CCDC148: variants seen among roughly 807,000 people sequenced by gnomAD.
The protein encoded by CCDC148 is coiled-coil domain-containing protein 148.
In CCDC148, 89 loss-of-function variants were observed where a neutral mutation model predicts 85.7. That is an observed-to-expected ratio of 1.04 (90% CI 0.87 to 1.24). The LOEUF (loss-of-function observed/expected upper bound fraction) is 1.24. Among genes scored for constraint, CCDC148 ranks in the 50% most tolerant of loss-of-function variants. CCDC148 has a pLI of 0.00. For missense variants in CCDC148, 692 were observed against 671.7 expected (o/e 1.03, Z -0.33); for synonymous variants, 230 against 213.9 (o/e 1.08, Z -0.66).
At chr2:158,356,919 A>G (rs1369464499) in intron 2 of CCDC148, among the ~76,000 whole-genome samples, 153 of 140,198 alleles carry the variant, frequency 1.1e-3, no homozygotes, top group Middle Eastern at 3.2e-3. Context: ...TGATGAGTTC[A>G]TGTCCTTTGT....
chr2:158,394,890 G>A (rs1425455480), intron 1 of CCDC148, among the ~76,000 whole-genome samples: 3 of 151,948 alleles, frequency 2.0e-5, no homozygotes, highest in Non-Finnish European at 4.4e-5. Context: ...CTTCTAAAAT[G>A]AGTTATCTTA....
rs1203857794 is a variant in CCDC148 at position 158,387,288 on chromosome 2, T to TTATCTATATCTATATCTATATCTG, written c.26-28719_26-28718insCAGATATAGATATAGATATAGATA. Among the ~76,000 whole-genome samples the TTATCTATATCTATATCTATATCTG allele has an allele frequency of 4.7e-3, 707 of 150,578 alleles. 4 individuals are homozygous for TTATCTATATCTATATCTATATCTG. Among genetic ancestry groups the TTATCTATATCTATATCTATATCTG allele is most frequent in the African/African-American group, 0.016 (658 of 40,974 alleles). On this transcript the variant is annotated intron_variant, in intron 1 of 13. Transcript: ENST00000283233. ...AACACAGGCCCACACATTTATATCA[T>TTATCTATATCTATATCTATATCTG]TATCTATATCTATATCTATATCTAT... is the stretch of plus-strand genomic sequence containing the variant.
intron 10 of CCDC148, among the ~76,000 whole-genome samples, 154 bp downstream of exon 10, chr2:158,250,618 A>G (rs1688750682): frequency 6.6e-6 from 1 of 151,684 alleles, no homozygotes; most frequent in Non-Finnish European, 1.5e-5. Context: ...TTGAAGCTCA[A>G]ATAAACTTTT....
intron 10 of CCDC148, among the ~76,000 whole-genome samples, chr2:158,247,707 T>C (rs1358502891): frequency 6.6e-6 from 1 of 151,778 alleles, no homozygotes; most frequent in Non-Finnish European, 1.5e-5. Context: ...AATACAAAAA[T>C]TAGCCAGGTA....
chr2:158,235,068 C>T (rs1413789481), intron 10 of CCDC148, among the ~76,000 whole-genome samples: 2 of 152,130 alleles, frequency 1.3e-5, no homozygotes, highest in Non-Finnish European at 2.9e-5. Context: ...GTACAACAAA[C>T]ACCCATGAAA....
chr2:158,269,973 G>C (rs2105161378), intron 9 of CCDC148, among the ~76,000 whole-genome samples: 1 of 152,236 alleles, frequency 6.6e-6, no homozygotes, highest in South Asian at 2.1e-4. Flanking sequence ...AATATTCTCT[G>C]TAAGGAACAC....
intron 1 of CCDC148, among the ~76,000 whole-genome samples, chr2:158,439,869 T>C (rs181158411): frequency 6.6e-6 from 1 of 152,264 alleles, no homozygotes; most frequent in African/African-American, 2.4e-5. Context: ...TTATTATTAC[T>C]TTACTTTTTT....
At chr2:158,274,804 C>T (rs1057340543) in intron 9 of CCDC148, among the ~76,000 whole-genome samples, 1 of 152,168 alleles carries the variant, frequency 6.6e-6, no homozygotes, top group Non-Finnish European at 1.5e-5. Flanking sequence ...GATTTAGGAT[C>T]ACAAGGCTGG....
At chr2:158,189,316 G>A (rs1221284176) in intron 11 of CCDC148, among the ~76,000 whole-genome samples, 1 of 151,798 alleles carries the variant, frequency 6.6e-6, no homozygotes, top group African/African-American at 2.4e-5. Context: ...TTTGTCAGTT[G>A]CTTCTGAAGA....
At chr2:158,453,040 C>T (rs559604544) in intron 1 of CCDC148, among the ~76,000 whole-genome samples, 1 of 152,308 alleles carries the variant, frequency 6.6e-6, no homozygotes, top group Admixed American at 6.5e-5. Flanking sequence ...AATTCTCTCC[C>T]AACATCCTGA....
intron 9 of CCDC148, among the ~76,000 whole-genome samples, chr2:158,304,016 C>T (rs1044317169): frequency 6.6e-6 from 1 of 152,022 alleles, no homozygotes; most frequent in Non-Finnish European, 1.5e-5. Flanking sequence ...TGTTTTTGTC[C>T]TCCATTCAGA....
chr2:158,424,899 C>T, intron 1 of CCDC148: 1 of 265,936 alleles, frequency 3.8e-6, no homozygotes, highest in Admixed American at 4.5e-5. Context: ...AGATGAAGAG[C>T]CAGTAACGAA....
chr2:158,411,647 A>G (rs913366833), intron 1 of CCDC148, among the ~76,000 whole-genome samples: 8 of 152,094 alleles, frequency 5.3e-5, no homozygotes, highest in African/African-American at 1.9e-4. Context: ...TTTTAAACAA[A>G]TTATTTTAAA....
At chr2:158,398,749 G>A (rs1329947992) in intron 1 of CCDC148, among the ~76,000 whole-genome samples, 2 of 152,144 alleles carry the variant, frequency 1.3e-5, no homozygotes, top group Non-Finnish European at 2.9e-5. Context: ...TCAACAGCTA[G>A]TGGAAGACAA....
At chr2:158,337,165 C>G (rs1399169826) in intron 7 of CCDC148, among the ~76,000 whole-genome samples, 6 of 152,102 alleles carry the variant, frequency 3.9e-5, no homozygotes, top group Non-Finnish European at 8.8e-5. Context: ...TGGAAGAAAG[C>G]CATTTTAGAC....
chr2:158,329,624 G>C (rs1369945340), intron 7 of CCDC148, among the ~76,000 whole-genome samples: 1 of 151,990 alleles, frequency 6.6e-6, no homozygotes, highest in Non-Finnish European at 1.5e-5. Context: ...TCACGATATT[G>C]ATTCTTCCTA....
rs530014577 is a variant in CCDC148, at chr2:158,223,545, T to A, written c.1252-2832A>T. On this transcript the variant is annotated intron_variant, in intron 10 of 13. Transcript: ENST00000283233. Reference sequence around the variant, plus strand: ...TCCTCAAGTGGGTCCCTGACCCCCCTGTAGCCTAACTGGGAGGCACCCCCC... The same window carrying A: ...TCCTCAAGTGGGTCCCTGACCCCCCAGTAGCCTAACTGGGAGGCACCCCCC... Among the ~76,000 whole-genome samples the A allele has an allele frequency of 2.0e-5, 3 of 152,242 alleles. No individual in the cohort carries two copies. In the East Asian group the frequency reaches 5.8e-4, roughly 29 times the overall value.
intron 11 of CCDC148, among the ~76,000 whole-genome samples, chr2:158,207,233 T>C (rs935228699): frequency 6.6e-6 from 1 of 152,198 alleles, no homozygotes; most frequent in Non-Finnish European, 1.5e-5. Flanking sequence ...ACCCGGATAC[T>C]GCTGTCCTTA....
chr2:158,439,488 AG>A (rs931901848), intron 1 of CCDC148, among the ~76,000 whole-genome samples: 3 of 152,052 alleles, frequency 2.0e-5, no homozygotes, highest in African/African-American at 7.2e-5. Context: ...GGGTGGCGGC[AG>A]GGGGGAGAGA....
Sources: allele counts gnomAD v4.1 joint callset (sites outside exome capture counted in the v4.1 genomes callset), GRCh38; gene constraint gnomAD v4.1.1; transcripts MANE v1.5; gene names NCBI Gene and HGNC (gene_info 2026-07-23, HGNC 2026-07-21).